ZBED4: variants seen among roughly 807,000 people sequenced by gnomAD.
ZBED4 encodes the protein zinc finger BED domain-containing protein 4.
ZBED4 carries 4 observed loss-of-function variants against 15.5 expected under a neutral mutation model. That is an observed-to-expected ratio of 0.26 (90% CI 0.13 to 0.59). The LOEUF (loss-of-function observed/expected upper bound fraction) is 0.59, where lower values mean the gene tolerates loss of function less well. Ranked by LOEUF, ZBED4 falls within the 20% of genes least tolerant of loss-of-function variation. The pLI is 0.90. For missense variants in ZBED4, 1,323 were observed against 1,461.8 expected, an observed-to-expected ratio of 0.91 and a Z score of 1.55; for synonymous variants, 692 against 608.5, an observed-to-expected ratio of 1.14 and a Z score of -2.02.
chr22:49,866,915 T>A (rs1316005350), intron 1 of ZBED4, among the ~76,000 whole-genome samples: 1 of 152,214 alleles, frequency 6.6e-6, no homozygotes, highest in Non-Finnish European at 1.5e-5. Flanking sequence ...TCTTACCTCT[T>A]GCGCCTTCAG....
At chr22:49,867,743 A>G (rs1455985326) in intron 1 of ZBED4, among the ~76,000 whole-genome samples, 1 of 152,138 alleles carries the variant, frequency 6.6e-6, no homozygotes, top group Admixed American at 6.5e-5. Flanking sequence ...GCCTTGTAAT[A>G]CTGACTGCAA....
intron 1 of ZBED4, among the ~76,000 whole-genome samples, chr22:49,880,502 G>A (rs559977585): frequency 1.3e-5 from 2 of 152,328 alleles, no homozygotes; most frequent in East Asian, 3.9e-4. Flanking sequence ...GGGCAGGTGG[G>A]GCTCCCTCTT....
intron 1 of ZBED4, among the ~76,000 whole-genome samples, chr22:49,881,422 G>A (rs2060408971): frequency 6.6e-6 from 1 of 152,208 alleles, no homozygotes; most frequent in Non-Finnish European, 1.5e-5. Flanking sequence ...GGATCTCACT[G>A]TTGGCCAGGC....
rs750699650 is a variant in ZBED4, at chr22:49,884,901, C to T, written c.1239C>T (p.Ala413=). 3 of 1,602,204 alleles carry T rather than the reference C, an allele frequency of 1.9e-6. No homozygotes were observed. Among genetic ancestry groups the T allele is most frequent in the Non-Finnish European group, 2.6e-6 (3 of 1,172,552 alleles). Residue 413 remains alanine, a synonymous_variant, in exon 2 of 2, where the codon GCC becomes GCT. Transcript: ENST00000216268. ...PGDGLMEDVA[A]FSSSDDIGEA... Reference sequence around the variant, plus strand: ...ATGGGCTGATGGAAGACGTGGCGGCCTTCTCATCTTCCGATGACATAGGGG... The same window carrying T: ...ATGGGCTGATGGAAGACGTGGCGGCTTTCTCATCTTCCGATGACATAGGGG...
chr22:49,875,481 C>T lies in ZBED4; in HGVS notation c.-329-7853C>T, dbSNP rs914621133. On this transcript the variant is annotated intron_variant, in intron 1 of 1. Coordinates refer to ENST00000216268, the MANE Select transcript of ZBED4 (RefSeq NM_014838.3). ...TGTCACCCAGGCTGGAGTACAGTGG[C>T]GCCATCTTGGCTCACTGCAGCCTCC... Among the ~76,000 whole-genome samples, 73 of 149,692 alleles carry T rather than the reference C, an allele frequency of 4.9e-4. 2 individuals carry two copies. Among genetic ancestry groups the T allele is most frequent in the Non-Finnish European group, 1.2e-4 (8 of 67,682 alleles).
Position 49,886,923 on chromosome 22 carries a change from G to A in ZBED4, c.3261G>A (p.Ala1087=), listed in dbSNP as rs376094243. The change falls in exon 2 of 2, where the codon GCG becomes GCA. Residue 1087 remains alanine (A), a synonymous_variant. Coordinates refer to ENST00000216268, the MANE Select transcript of ZBED4 (RefSeq NM_014838.3). This position sits in a 1 kb window ranked among gnomAD's most constrained non-coding sequence, Gnocchi z 7.7. ...REKLPEAMVL[A]YLEEEVLEHS... ...AGCTGCCTGAAGCCATGGTGCTTGCGTATCTGGAGGAGGAGGTGCTTGAAC... is the reference window on the plus strand; with the variant it reads ...AGCTGCCTGAAGCCATGGTGCTTGCATATCTGGAGGAGGAGGTGCTTGAAC... 15 of 1,614,120 alleles carry A rather than the reference G, an allele frequency of 9.3e-6. No homozygotes were observed. In the East Asian group the frequency reaches 1.3e-4, roughly 14 times the overall value.
At chr22:49,858,963 C>T (rs1013221309) in intron 1 of ZBED4, among the ~76,000 whole-genome samples, 15 of 152,072 alleles carry the variant, frequency 9.9e-5, no homozygotes, top group Admixed American at 5.2e-4. Flanking sequence ...GCACTGTGGG[C>T]GGAGGCTGTC....
At chr22:49,860,114 A>G (rs962088038) in intron 1 of ZBED4, among the ~76,000 whole-genome samples, 3 of 142,294 alleles carry the variant, frequency 2.1e-5, no homozygotes, top group African/African-American at 5.3e-5. Flanking sequence ...TCTAGGCAGC[A>G]TGGCAGAACC....
chr22:49,858,729 T>C (rs1185227791), intron 1 of ZBED4, among the ~76,000 whole-genome samples: 1 of 152,226 alleles, frequency 6.6e-6, no homozygotes, highest in Non-Finnish European at 1.5e-5. Flanking sequence ...AAAACGTGAC[T>C]GTGTCCCTTG....
At chr22:49,867,934 A>G (rs1415594956) in intron 1 of ZBED4, among the ~76,000 whole-genome samples, 5 of 152,238 alleles carry the variant, frequency 3.3e-5, no homozygotes, top group Admixed American at 2.0e-4. Context: ...CTGTTTTGTC[A>G]TAAAGTGTTG....
rs781438913 is a variant in ZBED4, at chr22:49,883,876, G to A, written c.214G>A (p.Gly72Arg). The change falls in exon 2 of 2, where the codon GGG (glycine) becomes AGG (arginine). Residue 72 changes from glycine to arginine, a missense_variant. Gly to Arg is a moderately radical substitution (Grantham distance 125). Around this residue, in one of 6 missense-constraint regions of ZBED4, gnomAD observed 380 missense variants for 413.7 expected, o/e 0.92. Transcript: ENST00000216268. The part of the protein sequence containing the change: ...GGTGCSCKPP[G>R]KYLSAESEDD... ...GACGGGTTGCAGCTGCAAGCCCCCG[G>A]GGAAGTACTTGTCTGCAGAGAGTGA... The A allele has an allele frequency of 1.2e-6, 2 of 1,606,888 alleles. No individual in the cohort carries two copies. The highest frequency in any genetic ancestry group is 3.4e-5 in the Admixed American group (2 of 59,574).
intron 1 of ZBED4, among the ~76,000 whole-genome samples, chr22:49,875,881 A>G (rs2060373921): frequency 6.6e-6 from 1 of 151,624 alleles, no homozygotes; most frequent in African/African-American, 2.4e-5. Flanking sequence ...CAATATTTGT[A>G]GAAGCTTATC....
chr22:49,888,556 C>A lies in ZBED4; in HGVS notation c.*1378C>A, dbSNP rs2092982. 110,458 of 167,156 alleles carry A rather than the reference C, an allele frequency of 0.66. 40,946 individuals are homozygous for A. The highest frequency in any genetic ancestry group is 0.85 in the East Asian group (4,546 of 5,326). The allele number at this position is 167,156 out of a possible 1,614,324, so 10.4% of individuals were successfully genotyped here. A position where few individuals can be genotyped will look rare whatever the true frequency, so the allele number is the denominator to read the frequency against. ...CAGCATTTGAAATTTCACCTTAACC[C>A]CAGACAGGGCTCCAGGGAAGTGGAG... On this transcript the variant is annotated 3_prime_UTR_variant, in exon 2 of 2. Coordinates refer to ENST00000216268, the MANE Select transcript of ZBED4 (RefSeq NM_014838.3).
intron 1 of ZBED4, among the ~76,000 whole-genome samples, chr22:49,857,489 C>CT (rs1386213288): frequency 6.6e-6 from 1 of 152,226 alleles, no homozygotes; most frequent in Admixed American, 6.5e-5. Flanking sequence ...CCAAGACGCC[C>CT]TTACCTGGGT....
intron 1 of ZBED4, among the ~76,000 whole-genome samples, chr22:49,859,480 C>T (rs2060288172): frequency 6.6e-6 from 1 of 152,128 alleles, no homozygotes; most frequent in African/African-American, 2.4e-5. Flanking sequence ...TGCATCCTTT[C>T]TGGCCCAGTG....
Position 49,863,487 on chromosome 22 carries a change from C to T in ZBED4, c.-330+9498C>T, listed in dbSNP as rs144273104. On this transcript the variant is annotated intron_variant, in intron 1 of 1. Coordinates refer to ENST00000216268, the MANE Select transcript of ZBED4 (RefSeq NM_014838.3). ...ACTAAAAATACAAAAATTAGCTGGG[C>T]GTGGTGGCGAGTGCCTGTAATCCCA... Among the ~76,000 whole-genome samples the T allele has an allele frequency of 2.0e-3, 312 of 152,252 alleles. 3 individuals carry two copies. The highest frequency in any genetic ancestry group is 7.3e-3 in the African/African-American group (303 of 41,542).
At chr22:49,863,210 GGGTCTTGCTTTGTGGCCCA>G (rs2060305302) in intron 1 of ZBED4, among the ~76,000 whole-genome samples, 1 of 152,100 alleles carries the variant, frequency 6.6e-6, no homozygotes, top group Non-Finnish European at 1.5e-5. Context: ...TTTTGAGGCA[GGGTCTTGCTTTGTGGCCCA>G]GGATGGAGTG....
chr22:49,869,990 C>G (rs1287425453), intron 1 of ZBED4, among the ~76,000 whole-genome samples: 8 of 152,134 alleles, frequency 5.3e-5, no homozygotes, highest in Non-Finnish European at 8.8e-5. Flanking sequence ...ACTCCTCACT[C>G]TCGCAGTCCC....
chr22:49,872,857 C>T (rs573711721), intron 1 of ZBED4, among the ~76,000 whole-genome samples: 148 of 152,186 alleles, frequency 9.7e-4, no homozygotes, highest in Non-Finnish European at 1.6e-3. Flanking sequence ...AGGCACCTGC[C>T]GGCTAATTTT....
Sources: allele counts gnomAD v4.1 joint callset (sites outside exome capture counted in the v4.1 genomes callset), GRCh38; gene constraint gnomAD v4.1.1; regional missense constraint gnomAD v4.1.1; non-coding constraint Gnocchi (gnomAD v3.1); transcripts MANE v1.5; gene names NCBI Gene and HGNC (gene_info 2026-07-23, HGNC 2026-07-21).